Variants in HNRNPH1 observed in about 807,000 individuals in gnomAD.
The protein encoded by HNRNPH1 is heterogeneous nuclear ribonucleoprotein H.
A neutral mutation model predicts 58.6 loss-of-function variants in HNRNPH1; 4 were observed. The ratio of observed to expected loss-of-function variants is 0.07; its 90% CI spans 0.03 to 0.16. The LOEUF (loss-of-function observed/expected upper bound fraction) is 0.16, where lower values mean the gene tolerates loss of function less well. Ranked by LOEUF, HNRNPH1 falls within the 10% of genes least tolerant of loss-of-function variation. The pLI, the probability that HNRNPH1 is intolerant of heterozygous loss-of-function variation, is 1.00. For missense variants in HNRNPH1, 271 were observed against 564.2 expected (o/e 0.48, Z 5.26); for synonymous variants, 192 against 189.2 (o/e 1.01, Z -0.12).
chr5:179,621,728 C>A (rs989748169), intron 1 of HNRNPH1: 2 of 387,954 alleles, frequency 5.2e-6, no homozygotes, highest in Non-Finnish European at 9.8e-6. Context: ...TGTGACTTTA[C>A]GGCAAACATA....
At chr5:179,614,812 A>T in exon 13 of HNRNPH1, 1 of 910,644 alleles carries the variant, frequency 1.1e-6, no homozygotes, top group Non-Finnish European at 1.7e-6. Context: ...AAAAAGGTTG[A>T]CCAAGAGTCA....
chr5:179,619,760 C>T (rs1771396717), intron 3 of HNRNPH1: 2 of 160,002 alleles, frequency 1.2e-5, no homozygotes. Flanking sequence ...AAATTCAAAA[C>T]ACCTTTTACC....
rs1232237605 is a variant in HNRNPH1 at position 179,618,128 on chromosome 5, T to C, written c.715+17A>G. 1.9e-6 allele frequency: 3 copies of C among 1,613,346 alleles called. No homozygotes were observed. Among genetic ancestry groups the C allele is most frequent in the African/African-American group, 1.3e-5 (1 of 74,852 alleles). ...AAGGAACAGACGACTTGCCGAACCTTACGAATCCTCACGTACCTCCACCAT... is the reference window on the plus strand; with the variant it reads ...AAGGAACAGACGACTTGCCGAACCTCACGAATCCTCACGTACCTCCACCAT... On this transcript the variant is annotated intron_variant, in intron 5 of 12. Transcript: ENST00000356731.
chr5:179,624,235 G>T, exon 1 of HNRNPH1: 1 of 349,188 alleles, frequency 2.9e-6, no homozygotes. Flanking sequence ...GGAGCTGCGG[G>T]GCTGCGGACG....
chr5:179,618,354 G>A, intron 4 of HNRNPH1, 31 bp from the exon 6 acceptor site: 2 of 1,496,540 alleles, frequency 1.3e-6, no homozygotes, highest in South Asian at 1.2e-5. Context: ...AAGGGGTAGG[G>A]AGGGGAGAGA....
chr5:179,625,240 A>G (rs1420209506), upstream of HNRNPH1, among the ~76,000 whole-genome samples: 2 of 152,164 alleles, frequency 1.3e-5, no homozygotes, highest in African/African-American at 4.8e-5. Context: ...TCACTCGTGT[A>G]ATACCAGCAT....
At chr5:179,619,505 T>A (rs765303154) in intron 3 of HNRNPH1, 98 bp from the exon 5 acceptor site, 290 of 1,052,596 alleles carry the variant, frequency 2.8e-4, no homozygotes, top group Non-Finnish European at 3.9e-4. Flanking sequence ...CCAGAATTTT[T>A]AACTTTAGGT....
chr5:179,617,937 A>G lies in HNRNPH1; in HGVS notation c.788-5T>C. 6.2e-7 allele frequency: 1 copy of G among 1,614,138 alleles called. No individual in the cohort carries two copies. Among genetic ancestry groups the G allele is most frequent in the Non-Finnish European group, 8.5e-7 (1 of 1,179,976 alleles). ...CTGAAAAACAGTAATTGAGGTCTAG[A>G]TGGACAAGAGTGTAAGCATCCTTCA... On this transcript the variant is annotated splice_polypyrimidine_tract_variant and splice_region_variant and intron_variant, in intron 6 of 12. Transcript: ENST00000356731.
intron 4 of HNRNPH1, chr5:179,618,651 T>C (rs1212117566): frequency 2.0e-5 from 4 of 197,970 alleles, no homozygotes; most frequent in Non-Finnish European, 3.1e-5. Flanking sequence ...TTAAATCCAT[T>C]GGCAGCATGT....
chr5:179,615,479 AG>A, intron 12 of HNRNPH1, 66 bp downstream of exon 13: 1 of 880,056 alleles, frequency 1.1e-6, no homozygotes. Context: ...TGACTGCTAT[AG>A]AAAGCATTAT....
intron 1 of HNRNPH1, among the ~76,000 whole-genome samples, chr5:179,622,264 C>T (rs1403509830): frequency 6.6e-6 from 1 of 152,118 alleles, no homozygotes; most frequent in Admixed American, 6.5e-5. Context: ...TTTAACTTTC[C>T]GAAGAATGCT....
At chr5:179,616,843 T>A (rs764584376) in intron 10 of HNRNPH1, 26 bp downstream of exon 11, 1 of 1,596,994 alleles carries the variant, frequency 6.3e-7, no homozygotes, top group Non-Finnish European at 8.6e-7. Context: ...AACGTTTTGG[T>A]TTTTAAAAAA....
At chr5:179,631,385 G>A (rs957349110) in intron 2 of HNRNPH1, among the ~76,000 whole-genome samples, 1 of 152,202 alleles carries the variant, frequency 6.6e-6, no homozygotes, top group Non-Finnish European at 1.5e-5. Context: ...GCCAAGGCAG[G>A]CACATCACCT....
exon 5 of HNRNPH1, chr5:179,618,177 A>G (rs1770695709): frequency 1.9e-6 from 3 of 1,613,904 alleles, no homozygotes; most frequent in Non-Finnish European, 2.5e-6. Flanking sequence ...CATCCTCTCA[A>G]AGCCAGCTCC....
chr5:179,615,383 T>C, intron 12 of HNRNPH1, 163 bp downstream of exon 13: 2 of 511,166 alleles, frequency 3.9e-6, no homozygotes, highest in Non-Finnish European at 7.1e-6. Context: ...CTATTCATGG[T>C]GGGCAGGAAG....
At chr5:179,616,008 C>T in intron 11 of HNRNPH1, 118 bp downstream of exon 12, 2 of 837,444 alleles carry the variant, frequency 2.4e-6, no homozygotes, top group Non-Finnish European at 4.0e-6. Flanking sequence ...CAACTAAAGG[C>T]ACCTGCCTGC....
At chr5:179,632,982 C>T (rs576175021) in intron 2 of HNRNPH1, among the ~76,000 whole-genome samples, 3 of 151,526 alleles carry the variant, frequency 2.0e-5, no homozygotes, top group African/African-American at 7.3e-5. Flanking sequence ...CTCATTCTCC[C>T]CACTAGCTGG....
Position 179,632,088 on chromosome 5 carries a change from C to T in HNRNPH1, c.-32+1977G>A, listed in dbSNP as rs1275727225. On this transcript the variant is annotated intron_variant, in intron 2 of 4. Transcript: ENST00000521116. ...TTGGGAGGCCGAGGCGGGCGGATCA[C>T]GAGGTCAGGAGATCGAGACCATCCC... Among the ~76,000 whole-genome samples the T allele has an allele frequency of 9.9e-5, 15 of 152,062 alleles. No individual in the cohort carries two copies. In the East Asian group the frequency reaches 1.2e-3, roughly 12 times the overall value.
At chr5:179,616,278 C>CCACAT in intron 10 of HNRNPH1, 60 bp from the exon 12 acceptor site, 2 of 1,312,544 alleles carry the variant, frequency 1.5e-6, no homozygotes, top group Non-Finnish European at 2.2e-6. Flanking sequence ...CCTGGTGGTA[C>CCACAT]CGGGCTTGTA....
Sources: gnomAD v4.1 joint callset for allele counts (sites outside exome capture counted in the v4.1 genomes callset) on GRCh38, gnomAD v4.1.1 for gene constraint, MANE v1.5 for transcripts, NCBI Gene and HGNC (gene_info 2026-07-23, HGNC 2026-07-21) for gene names.